ITPR2: variants seen among roughly 807,000 people sequenced by gnomAD.
ITPR2 encodes the protein inositol 1,4,5-trisphosphate-gated calcium channel ITPR2.
ITPR2 carries 207 observed loss-of-function variants against 317.1 expected under a neutral mutation model. The observed-to-expected ratio is 0.65, with a 90% confidence interval of 0.58 to 0.73. ITPR2 has a LOEUF of 0.73. Among genes scored for constraint, ITPR2 ranks in the 30% least tolerant of loss-of-function variants. ITPR2 has a pLI of 0.00. For synonymous variants in ITPR2, 1,156 were observed against 1,149.1 expected (o/e 1.01, Z -0.12); for missense variants, 2,613 against 3,284.0 (o/e 0.80, Z 4.99).
At chr12:26,723,338 C>T (rs1948868108) in intron 4 of ITPR2, among the ~76,000 whole-genome samples, 1 of 152,016 alleles carries the variant, frequency 6.6e-6, no homozygotes, top group Admixed American at 6.6e-5. Context: ...ACTCTTGGGT[C>T]CTTATGTTAC....
intron 45 of ITPR2, among the ~76,000 whole-genome samples, chr12:26,467,049 G>A (rs1942185633): frequency 6.6e-6 from 1 of 152,162 alleles, no homozygotes; most frequent in Admixed American, 6.5e-5. Context: ...ATTAGCATAA[G>A]AAAATGGAAG....
chr12:26,431,029 A>T (rs1941192445), intron 48 of ITPR2, among the ~76,000 whole-genome samples: 1 of 152,076 alleles, frequency 6.6e-6, no homozygotes, highest in Non-Finnish European at 1.5e-5. Flanking sequence ...TGGACTGTGA[A>T]CTCTCTGAGG....
chr12:26,683,745 C>T (rs1948079108), intron 11 of ITPR2, among the ~76,000 whole-genome samples: 1 of 152,136 alleles, frequency 6.6e-6, no homozygotes, highest in African/African-American at 2.4e-5. Context: ...TAGATATGAA[C>T]TGTGAGAGAA....
chr12:26,552,822 T>C (rs1944560999), intron 36 of ITPR2, among the ~76,000 whole-genome samples: 1 of 152,206 alleles, frequency 6.6e-6, no homozygotes, highest in East Asian at 1.9e-4. Flanking sequence ...GATTTTGTTT[T>C]TCGCTCTCTC....
intron 2 of ITPR2, among the ~76,000 whole-genome samples, chr12:26,786,761 A>C (rs1273245767): frequency 6.6e-6 from 1 of 152,250 alleles, no homozygotes; most frequent in Admixed American, 6.5e-5. Context: ...CTAAAATGTT[A>C]TGATTCACTT....
At chr12:26,349,617 T>A (rs1346177792) in intron 55 of ITPR2, among the ~76,000 whole-genome samples, 2 of 152,260 alleles carry the variant, frequency 1.3e-5, no homozygotes, top group African/African-American at 4.8e-5. Context: ...TAAAGCAATA[T>A]GACAAACAGA....
chr12:26,430,982 T>C (rs1483480584), intron 48 of ITPR2, among the ~76,000 whole-genome samples: 1 of 152,188 alleles, frequency 6.6e-6, no homozygotes, highest in African/African-American at 2.4e-5. Flanking sequence ...TGGGTGGTCT[T>C]TACTATTGTG....
At chr12:26,350,705 G>A (rs962814096) in intron 55 of ITPR2, among the ~76,000 whole-genome samples, 2 of 151,910 alleles carry the variant, frequency 1.3e-5, no homozygotes, top group South Asian at 2.1e-4. Flanking sequence ...CACAGCCCCC[G>A]AGAACCCACC....
chr12:26,480,528 C>CTT lies in ITPR2; in HGVS notation c.6123+602_6123+603insAA, dbSNP rs1942522668. On this transcript the variant is annotated intron_variant, in intron 43 of 56. Transcript: ENST00000381340. ...AAATACATCAGCACCTTTTGCTTCT[C>CTT]CCTATAATGAAAAATATAAAATTAA... Among the ~76,000 whole-genome samples the CTT allele has an allele frequency of 3.9e-5, 6 of 152,220 alleles. No individual in the cohort carries two copies. In the South Asian group the frequency reaches 1.2e-3, roughly 32 times the overall value.
chr12:26,439,092 G>A (rs780284999), intron 47 of ITPR2, 35 bp downstream of exon 47: 3 of 1,350,964 alleles, frequency 2.2e-6, no homozygotes, highest in Non-Finnish European at 3.1e-6. Context: ...CTACCACTAT[G>A]CACAAAACTA....
At chr12:26,722,290 T>C (rs1948851471) in intron 5 of ITPR2, 107 bp downstream of exon 5, 2 of 938,516 alleles carry the variant, frequency 2.1e-6, no homozygotes, top group Non-Finnish European at 3.1e-6. Flanking sequence ...AATCAGGTAT[T>C]GAGTAAAAAC....
chr12:26,591,029 G>C (rs1945686709), intron 32 of ITPR2, among the ~76,000 whole-genome samples: 1 of 132,202 alleles, frequency 7.6e-6, no homozygotes, highest in South Asian at 2.6e-4. Flanking sequence ...GCAGTGACCT[G>C]AGATAGCACC....
chr12:26,636,818 G>T (rs1946875765), intron 21 of ITPR2, among the ~76,000 whole-genome samples: 1 of 152,136 alleles, frequency 6.6e-6, no homozygotes, highest in African/African-American at 2.4e-5. Flanking sequence ...AGCACGGTGG[G>T]GGTTGGGAGA....
rs146702601 is a variant in ITPR2, at chr12:26,578,194, C to T, written c.4630+519G>A. ...TAACTTTCTCTCTCTCTCTCTCTCT[C>T]GACACCCCACCCCCATACACAGAGA... is the stretch of plus-strand genomic sequence containing the variant. On this transcript the variant is annotated intron_variant, in intron 34 of 56. Transcript: ENST00000381340. 1.3e-3 allele frequency among the ~76,000 whole-genome samples: 179 copies of T among 141,038 alleles called. 3 individuals are homozygous for T. In the East Asian group the frequency reaches 0.027, roughly 21 times the overall value. The allele number at this position is 141,038 out of a possible 152,430, so 92.5% of individuals were successfully genotyped here.
At chr12:26,350,128 G>A (rs565434668) in intron 55 of ITPR2, among the ~76,000 whole-genome samples, 25 of 152,254 alleles carry the variant, frequency 1.6e-4, no homozygotes, top group Non-Finnish European at 3.4e-4. Flanking sequence ...GTAGGTGTGA[G>A]CCTGAAGGCC....
chr12:26,591,679 A>AT (rs1193615669), intron 32 of ITPR2, among the ~76,000 whole-genome samples: 1 of 151,950 alleles, frequency 6.6e-6, no homozygotes, highest in East Asian at 1.9e-4. Context: ...AAAAAAAAAA[A>AT]ATACGAAAAT....
intron 1 of ITPR2, among the ~76,000 whole-genome samples, chr12:26,826,632 C>T (rs971950084): frequency 2.6e-5 from 4 of 152,092 alleles, no homozygotes; most frequent in African/African-American, 9.7e-5. Flanking sequence ...GTCAGCGCAT[C>T]AATTGGTAGT....
chr12:26,725,878 A>G, intron 2 of ITPR2, 113 bp from the exon 3 acceptor site: 1 of 678,114 alleles, frequency 1.5e-6, no homozygotes, highest in Non-Finnish European at 2.6e-6. Context: ...AGAACAGTTA[A>G]AAGTCATATA....
At chr12:26,632,880 C>A (rs184291647) in intron 21 of ITPR2, among the ~76,000 whole-genome samples, 3 of 152,308 alleles carry the variant, frequency 2.0e-5, no homozygotes. Context: ...ATCCAAGGAT[C>A]CTCCTTAACA....
Sources: allele counts gnomAD v4.1 joint callset (sites outside exome capture counted in the v4.1 genomes callset), GRCh38; gene constraint gnomAD v4.1.1; transcripts MANE v1.5; gene names NCBI Gene and HGNC (gene_info 2026-07-23, HGNC 2026-07-21).